Variants in TMEM41B observed in about 807,000 individuals in gnomAD.
TMEM41B encodes transmembrane protein 41B, also known as protein stasimon.
TMEM41B carries 18 observed loss-of-function variants against 31.9 expected under a neutral mutation model. The ratio of observed to expected loss-of-function variants is 0.56; its 90% CI spans 0.39 to 0.84. The LOEUF is 0.84. TMEM41B is among the 40% of genes least tolerant of loss of function. The pLI is 0.00. For missense variants in TMEM41B, 322 were observed against 348.0 expected, an observed-to-expected ratio of 0.93 and a Z score of 0.59; for synonymous variants, 144 against 124.3, an observed-to-expected ratio of 1.16 and a Z score of -1.05.
chr11:9,306,456 T>C (rs947811865), intron 1 of TMEM41B, among the ~76,000 whole-genome samples: 9 of 151,082 alleles, frequency 6.0e-5, no homozygotes, highest in African/African-American at 2.2e-4. Flanking sequence ...GTCGAGGCGG[T>C]CGGATCATGA....
intron 1 of TMEM41B, among the ~76,000 whole-genome samples, chr11:9,306,998 C>A (rs1853413933): frequency 6.6e-6 from 1 of 152,162 alleles, no homozygotes; most frequent in African/African-American, 2.4e-5. Context: ...TCTCTGAATT[C>A]TTTCTCCATA....
At chr11:9,300,325 T>C (rs1019404700) in intron 1 of TMEM41B, among the ~76,000 whole-genome samples, 3 of 152,268 alleles carry the variant, frequency 2.0e-5, no homozygotes, top group African/African-American at 7.2e-5. Context: ...ATACTGTCAA[T>C]TTCATATTTC....
In TMEM41B at chr11:9,314,180, C is replaced by T. The variant is rs911624048; in HGVS notation, c.121+141G>A. 1.4e-5 allele frequency: 16 copies of T among 1,144,846 alleles called. No individual in the cohort carries two copies. In the African/African-American group the frequency reaches 1.6e-4, roughly 11 times the overall value. The allele number at this position is 1,144,846 out of a possible 1,614,324, so 70.9% of individuals were successfully genotyped here. On this transcript the variant is annotated intron_variant, in intron 1 of 6. Coordinates refer to ENST00000528080, the MANE Select transcript of TMEM41B (RefSeq NM_015012.4). ...TGCGCGAGCGCCCAAGCCCAACTCC[C>T]CCACGGTCTCTGCTCCCGCCGCGGC...
intron 6 of TMEM41B, among the ~76,000 whole-genome samples, chr11:9,285,812 C>T (rs374426195): frequency 1.4e-5 from 1 of 70,656 alleles, no homozygotes; most frequent in Non-Finnish European, 3.0e-5. Flanking sequence ...GCAACATTTA[C>T]AAAAAAAAAA....
At chr11:9,299,063 C>T (rs2133631115) in intron 2 of TMEM41B, among the ~76,000 whole-genome samples, 1 of 151,482 alleles carries the variant, frequency 6.6e-6, no homozygotes, top group African/African-American at 2.4e-5. Context: ...GGTGGATCAC[C>T]TGAGGTCAGG....
At chr11:9,296,390 C>G (rs1190039707) in intron 2 of TMEM41B, among the ~76,000 whole-genome samples, 3 of 151,656 alleles carry the variant, frequency 2.0e-5, no homozygotes, top group South Asian at 2.1e-4. Flanking sequence ...CTTTGGGAAG[C>G]CGAGGCGGGT....
chr11:9,290,942 CCT>C (rs945877417), intron 3 of TMEM41B, among the ~76,000 whole-genome samples: 44 of 151,974 alleles, frequency 2.9e-4, no homozygotes, highest in Non-Finnish European at 1.2e-4. Flanking sequence ...ACGATGAAAC[CCT>C]GTCTTTAATA....
Position 9,310,655 on chromosome 11 carries a change from CTTTTTTTTT to C in TMEM41B, c.121+3657_121+3665del, listed in dbSNP as rs36061977. Among the ~76,000 whole-genome samples the C allele has an allele frequency of 2.5e-3, 275 of 109,152 alleles. 2 individuals are homozygous for C. The highest frequency in any genetic ancestry group is 8.9e-3 in the African/African-American group (260 of 29,312). The allele number at this position is 109,152 out of a possible 152,430, so 71.6% of individuals were successfully genotyped here. A position where few individuals can be genotyped will look rare whatever the true frequency, so the allele number is the denominator to read the frequency against. On this transcript the variant is annotated intron_variant, in intron 1 of 6. Coordinates refer to ENST00000528080, the MANE Select transcript of TMEM41B (RefSeq NM_015012.4). ...CTTCAAACCGATTAGGTTAAGAGCC[CTTTTTTTTT>C]TTTTTTTTTTTTTTTAACCAGGAGA...
chr11:9,310,823 C>A (rs558966951), intron 1 of TMEM41B, among the ~76,000 whole-genome samples: 4 of 152,230 alleles, frequency 2.6e-5, no homozygotes, highest in Admixed American at 6.5e-5. Flanking sequence ...TTCCCAGCAA[C>A]CTTGCAGTTA....
intron 1 of TMEM41B, among the ~76,000 whole-genome samples, chr11:9,307,805 G>A (rs1365340342): frequency 6.6e-6 from 1 of 151,492 alleles, no homozygotes; most frequent in African/African-American, 2.4e-5. Flanking sequence ...GAGTGCAGTG[G>A]CGCAATCTCG....
intron 1 of TMEM41B, among the ~76,000 whole-genome samples, chr11:9,309,900 G>A (rs572402852): frequency 2.7e-5 from 4 of 148,788 alleles, no homozygotes; most frequent in South Asian, 2.1e-4. Flanking sequence ...TCCAGCCTGG[G>A]TGACAGAGCA....
chr11:9,313,714 C>G (rs556388192), intron 1 of TMEM41B, among the ~76,000 whole-genome samples: 1 of 152,298 alleles, frequency 6.6e-6, no homozygotes, highest in Admixed American at 6.5e-5. Context: ...AAGCATTGCT[C>G]TAAATCTTTT....
intron 1 of TMEM41B, chr11:9,311,608 G>T: frequency 2.0e-6 from 2 of 1,001,926 alleles, no homozygotes; most frequent in Admixed American, 2.3e-5. Flanking sequence ...GGTGGTGAGT[G>T]GGCAGGATTG....
chr11:9,305,826 A>G (rs896940928), intron 1 of TMEM41B, among the ~76,000 whole-genome samples: 3 of 151,746 alleles, frequency 2.0e-5, no homozygotes, highest in African/African-American at 7.3e-5. Flanking sequence ...AACCATTACT[A>G]ATTTTTTTTT....
rs535453011 is a variant in TMEM41B, at chr11:9,311,194, A to G, written c.121+3127T>C. 8.2e-5 allele frequency: 114 copies of G among 1,393,258 alleles called. No individual in the cohort carries two copies. The African/African-American group carries it at 1.3e-3, about 16-fold the overall frequency. The allele number at this position is 1,393,258 out of a possible 1,614,324, so 86.3% of individuals were successfully genotyped here. ...GTAGGGTGTGGGGAGCACAAGGGCT[A>G]CTTTCCCCCAATACAACATGGCATC... On this transcript the variant is annotated intron_variant, in intron 1 of 6. Transcript: ENST00000528080.
At chr11:9,291,124 T>A (rs1007921577) in intron 3 of TMEM41B, among the ~76,000 whole-genome samples, 52 of 151,352 alleles carry the variant, frequency 3.4e-4, no homozygotes, top group African/African-American at 1.2e-3. Flanking sequence ...TCAAAAAAAA[T>A]AAAAATAAAA....
At position 9,286,561 on chromosome 11, in the gene TMEM41B, G is replaced by A. The variant is rs755436408; in HGVS notation, c.600C>T (p.Tyr200=). 1.9e-6 allele frequency: 3 copies of A among 1,612,564 alleles called. No homozygotes were observed. In the South Asian group the frequency reaches 3.3e-5, roughly 18 times the overall value. The change falls in exon 6 of 7, where the codon TAC becomes TAT. Residue 200 remains tyrosine (Y), a synonymous_variant. Transcript: ENST00000528080. ...VERHREHLIN[Y]IIFLRITPFL... is the part of the protein sequence containing the mutation. Reference sequence around the variant, plus strand: ...ATGGTGTTATTCTCAAAAATATAATGTAGTTAATGAGATGTTCTCTATGAC... The same window carrying A: ...ATGGTGTTATTCTCAAAAATATAATATAGTTAATGAGATGTTCTCTATGAC...
intron 3 of TMEM41B, 71 bp from the exon 4 acceptor site, chr11:9,288,606 G>GA (rs144571752): frequency 0.069 from 77,932 of 1,128,334 alleles, 3,429 homozygotes; most frequent in South Asian, 0.092. Flanking sequence ...AACATTTCAG[G>GA]AAAAAAGTAT....
At chr11:9,289,217 G>A (rs550060936) in intron 3 of TMEM41B, among the ~76,000 whole-genome samples, 2 of 152,102 alleles carry the variant, frequency 1.3e-5, no homozygotes, top group South Asian at 4.2e-4. Context: ...GGCTAGTCTT[G>A]AACTCCTGGG....
Sources: allele counts gnomAD v4.1 joint callset (sites outside exome capture counted in the v4.1 genomes callset), GRCh38; gene constraint gnomAD v4.1.1; transcripts MANE v1.5; gene names NCBI Gene and HGNC (gene_info 2026-07-23, HGNC 2026-07-21).